The following PXDN variants were observed in gnomAD, a reference collection of about 807,000 sequenced individuals.
PXDN encodes the protein peroxidasin, also known as peroxidasin homolog.
Under a neutral mutation model 140.3 loss-of-function variants are expected in PXDN, and 77 were observed. The ratio of observed to expected loss-of-function variants is 0.55; its 90% CI spans 0.46 to 0.66. The LOEUF is 0.66. Among genes scored for constraint, PXDN ranks in the 30% least tolerant of loss-of-function variants. PXDN has a pLI of 0.00. For missense variants in PXDN, 1,838 were observed against 2,039.5 expected (o/e 0.90, Z 1.90); for synonymous variants, 911 against 857.4 (o/e 1.06, Z -1.09).
intron 9 of PXDN, among the ~76,000 whole-genome samples, chr2:1,673,105 C>T (rs1234205827): frequency 6.6e-6 from 1 of 152,226 alleles, no homozygotes; most frequent in Non-Finnish European, 1.5e-5. Flanking sequence ...AGTTTGCAAC[C>T]TGATGGGGCC....
At chr2:1,710,758 C>T (rs1385442883) in intron 1 of PXDN, among the ~76,000 whole-genome samples, 6 of 95,454 alleles carry the variant, frequency 6.3e-5, no homozygotes, top group Non-Finnish European at 4.4e-5. Flanking sequence ...TCCACCAGCA[C>T]CCACTCCACC....
intron 1 of PXDN, among the ~76,000 whole-genome samples, chr2:1,694,403 G>A (rs550849404): frequency 2.0e-5 from 3 of 152,326 alleles, no homozygotes; most frequent in African/African-American, 7.2e-5. Flanking sequence ...CTGTGTCACT[G>A]ACAGCAACAG....
In PXDN at chr2:1,633,312, T is replaced by C. The variant is rs1320457622; in HGVS notation, c.*892A>G. The C allele has an allele frequency of 6.6e-6, 1 of 151,990 alleles. No homozygotes were observed. Among genetic ancestry groups the C allele is most frequent in the African/African-American group, 2.4e-5 (1 of 41,378 alleles). 9.4% of individuals were successfully genotyped at this position (151,990 alleles called of 1,614,324 possible). A position where few individuals can be genotyped will look rare whatever the true frequency, so the allele number is the denominator to read the frequency against. ...AACCAGGGCCGGCTGGGAGCGGCGT[T>C]GTCAACACACACCCTTGGCCCTCGG... is the stretch of plus-strand genomic sequence containing the variant. On this transcript the variant is annotated 3_prime_UTR_variant, in exon 23 of 23. Coordinates refer to ENST00000252804, the MANE Select transcript of PXDN (RefSeq NM_012293.3).
intron 8 of PXDN, among the ~76,000 whole-genome samples, chr2:1,674,178 A>T (rs923160718): frequency 1.3e-5 from 2 of 152,218 alleles, no homozygotes; most frequent in Admixed American, 1.3e-4. Flanking sequence ...ACATTTTTAC[A>T]TTACTAAAAG....
chr2:1,682,443 G>A (rs1332050495), intron 6 of PXDN, among the ~76,000 whole-genome samples: 1 of 152,168 alleles, frequency 6.6e-6, no homozygotes, highest in Non-Finnish European at 1.5e-5. Flanking sequence ...CCACTCTGGA[G>A]TTAGGCTTGT....
intron 6 of PXDN, 91 bp downstream of exon 6, chr2:1,683,564 AT>A: frequency 1.8e-6 from 1 of 558,750 alleles, no homozygotes. Flanking sequence ...TGTTATCAAC[AT>A]TTCACAATAC....
intron 8 of PXDN, among the ~76,000 whole-genome samples, chr2:1,674,743 G>A (rs981803371): frequency 6.6e-6 from 1 of 152,104 alleles, no homozygotes; most frequent in Non-Finnish European, 1.5e-5. Context: ...AGCCAGGCAC[G>A]GAGCCCTCTG....
chr2:1,639,290 A>G lies in PXDN; in HGVS notation c.4073+12T>C. On this transcript the variant is annotated intron_variant, in intron 20 of 22. Coordinates refer to ENST00000252804, the MANE Select transcript of PXDN (RefSeq NM_012293.3). This position sits in a 1 kb window ranked among gnomAD's most constrained non-coding sequence, Gnocchi z 5.0. ...CCCTCTGCACATCATTTGACCTCAG[A>G]GACCACCATACCTGGGTATTTTCCG... 6.2e-7 allele frequency: 1 copy of G among 1,609,264 alleles called. No homozygotes were observed. Among genetic ancestry groups the G allele is most frequent in the Non-Finnish European group, 8.5e-7 (1 of 1,177,624 alleles).
In PXDN at chr2:1,634,380, A is replaced by G. The variant is rs995234315; in HGVS notation, c.4321-57T>C. On this transcript the variant is annotated intron_variant, in intron 22 of 22. Transcript: ENST00000252804. Reference sequence around the variant, plus strand: ...GCTCTGGGATGGCCTTCAGGTGAGCAAAGCCTGTCAGCTCCGGGACAGGTG... The same window carrying G: ...GCTCTGGGATGGCCTTCAGGTGAGCGAAGCCTGTCAGCTCCGGGACAGGTG... 3.9e-6 allele frequency: 6 copies of G among 1,519,382 alleles called. No individual in the cohort carries two copies. In the African/African-American group the frequency reaches 8.3e-5, roughly 21 times the overall value. The allele number at this position is 1,519,382 out of a possible 1,614,324, so 94.1% of individuals were successfully genotyped here. A position where few individuals can be genotyped will look rare whatever the true frequency, so the allele number is the denominator to read the frequency against.
At chr2:1,702,197 G>A (rs1316077287) in intron 1 of PXDN, among the ~76,000 whole-genome samples, 7 of 152,204 alleles carry the variant, frequency 4.6e-5, no homozygotes, top group Non-Finnish European at 1.0e-4. Context: ...AATACCTGAA[G>A]GCAGAAGGAG....
At chr2:1,737,821 G>A (rs1040735729) in intron 1 of PXDN, among the ~76,000 whole-genome samples, 1 of 152,146 alleles carries the variant, frequency 6.6e-6, no homozygotes, top group Non-Finnish European at 1.5e-5. Context: ...TTACAGGTGT[G>A]AGCCTCCATG....
chr2:1,674,741 A>G (rs1358419014), intron 8 of PXDN, among the ~76,000 whole-genome samples: 1 of 152,190 alleles, frequency 6.6e-6, no homozygotes, highest in Non-Finnish European at 1.5e-5. Context: ...ACAGCCAGGC[A>G]CGGAGCCCTC....
chr2:1,701,829 T>G (rs557599966), intron 1 of PXDN, among the ~76,000 whole-genome samples: 1 of 152,158 alleles, frequency 6.6e-6, no homozygotes, highest in Non-Finnish European at 1.5e-5. Flanking sequence ...ATGACTGCCC[T>G]TATGAAAGAA....
At chr2:1,670,972 A>C (rs1683562238) in intron 9 of PXDN, among the ~76,000 whole-genome samples, 1 of 152,208 alleles carries the variant, frequency 6.6e-6, no homozygotes, top group Non-Finnish European at 1.5e-5. Context: ...AGGCAGAAGG[A>C]AGGTGATCCC....
intron 6 of PXDN, among the ~76,000 whole-genome samples, chr2:1,681,478 C>T (rs1054497849): frequency 6.6e-6 from 1 of 151,984 alleles, no homozygotes; most frequent in Non-Finnish European, 1.5e-5. Flanking sequence ...GGCCCCAGGG[C>T]ACCCCCGAGA....
At chr2:1,700,220 C>T (rs533942411) in intron 1 of PXDN, among the ~76,000 whole-genome samples, 1 of 152,134 alleles carries the variant, frequency 6.6e-6, no homozygotes, top group Non-Finnish European at 1.5e-5. Context: ...TGCCACTGCG[C>T]CCAGCTAATT....
At chr2:1,735,483 A>G (rs1356718604) in intron 1 of PXDN, among the ~76,000 whole-genome samples, 4 of 152,258 alleles carry the variant, frequency 2.6e-5, no homozygotes, top group Non-Finnish European at 5.9e-5. Flanking sequence ...CCATGAAAAC[A>G]ACATTAATCC....
chr2:1,635,473 C>A lies in PXDN; in HGVS notation c.4255G>T (p.Gly1419Trp). ...GTGTTGTTGGCGTGAGATTCGCCCCCGGCATCCACGCACTCTGTGGTACTG... is the reference window on the plus strand; with the variant it reads ...GTGTTGTTGGCGTGAGATTCGCCCCAGGCATCCACGCACTCTGTGGTACTG... ...RLSTTECVDA[G>W]GESHANNTKW... Residue 1419 changes from glycine (G) to tryptophan (W), a missense_variant, in exon 22 of 23, where the codon GGG (glycine) becomes TGG (tryptophan). Gly to Trp is a radical substitution (Grantham distance 184). This residue lies in a region of PXDN where 850 missense variants were observed against 894.1 expected (regional missense o/e 0.95). Coordinates refer to ENST00000252804, the MANE Select transcript of PXDN (RefSeq NM_012293.3). 6.2e-7 allele frequency: 1 copy of A among 1,601,492 alleles called. No individual in the cohort carries two copies. The highest frequency in any genetic ancestry group is 2.2e-5 in the East Asian group (1 of 44,550).
At chr2:1,668,969 A>G (rs1683512284) in intron 9 of PXDN, among the ~76,000 whole-genome samples, 2 of 152,230 alleles carry the variant, frequency 1.3e-5, no homozygotes, top group African/African-American at 4.8e-5. Flanking sequence ...AAAGGATTAT[A>G]AGTCATACTA....
Sources: allele counts gnomAD v4.1 joint callset (sites outside exome capture counted in the v4.1 genomes callset), GRCh38; gene constraint gnomAD v4.1.1; regional missense constraint gnomAD v4.1.1; non-coding constraint Gnocchi (gnomAD v3.1); transcripts MANE v1.5; gene names NCBI Gene and HGNC (gene_info 2026-07-23, HGNC 2026-07-21).